The following ERICH1 variants were observed in gnomAD, a reference collection of about 807,000 sequenced individuals.
The protein encoded by ERICH1 is glutamate rich 1.
A neutral mutation model predicts 39.6 loss-of-function variants in ERICH1; 56 were observed. That is an observed-to-expected ratio of 1.41 (90% CI 1.14 to 1.77). The LOEUF is 1.77. ERICH1 is among the 40% of genes most tolerant of loss of function. The pLI is 0.00. For missense variants in ERICH1, 826 were observed against 575.4 expected (o/e 1.44, Z -4.45); for synonymous variants, 313 against 223.6 (o/e 1.40, Z -3.57).
chr8:706,423 C>G (rs1199330617), intron 2 of ERICH1, among the ~76,000 whole-genome samples: 1 of 152,146 alleles, frequency 6.6e-6, no homozygotes, highest in African/African-American at 2.4e-5. Flanking sequence ...TTGGAATACA[C>G]TTTTTAAAAA....
intron 2 of ERICH1, among the ~76,000 whole-genome samples, chr8:701,506 G>A (rs1481199089): frequency 1.3e-5 from 2 of 152,210 alleles, no homozygotes; most frequent in African/African-American, 4.8e-5. Context: ...AGCCACAGAC[G>A]CAGGCCCAGG....
chr8:707,516 T>C (rs954550564), intron 2 of ERICH1, among the ~76,000 whole-genome samples: 1 of 152,172 alleles, frequency 6.6e-6, no homozygotes, highest in Non-Finnish European at 1.5e-5. Context: ...TGCCAACTGA[T>C]TTTCAATGAG....
At chr8:680,590 C>T (rs936753598) in intron 3 of ERICH1, among the ~76,000 whole-genome samples, 39 of 141,560 alleles carry the variant, frequency 2.8e-4, no homozygotes, top group Admixed American at 5.7e-4. Context: ...CACGGAAAGT[C>T]CAAGAGAATC....
intron 3 of ERICH1, among the ~76,000 whole-genome samples, chr8:642,077 G>C (rs922217351): frequency 1.3e-5 from 2 of 152,216 alleles, no homozygotes; most frequent in African/African-American, 4.8e-5. Context: ...GGAGATCTTA[G>C]GGAAGGCCCA....
intron 2 of ERICH1, among the ~76,000 whole-genome samples, chr8:708,681 G>GTTTTTTGTTTTTTGTTTTTT: frequency 1.5e-5 from 1 of 65,816 alleles, no homozygotes. Context: ...GGGATAATGA[G>GTTTTTTGTTTTTTGTTTTTT]TTTTTTTTTT....
At chr8:640,055 T>C (rs1798816632) in intron 3 of ERICH1, among the ~76,000 whole-genome samples, 1 of 152,180 alleles carries the variant, frequency 6.6e-6, no homozygotes, top group South Asian at 2.1e-4. Flanking sequence ...TGGCTCATTT[T>C]GTACCACACA....
rs1279967601 is a variant in ERICH1 at position 646,943 on chromosome 8, C to T, written c.976+21655G>A. Reference sequence around the variant, plus strand: ...CCAGAAGTCATGTGGCAAAGCAATTCACGCCAGTTAATCTGTGCCGAGGGC... The same window carrying T: ...CCAGAAGTCATGTGGCAAAGCAATTTACGCCAGTTAATCTGTGCCGAGGGC... On this transcript the variant is annotated intron_variant, in intron 3 of 3. Transcript: ENST00000522706. 2.3e-4 allele frequency among the ~76,000 whole-genome samples: 16 copies of T among 69,182 alleles called. 7 individuals are homozygous for T. The highest frequency in any genetic ancestry group is 9.9e-4 in the Admixed American group (8 of 8,066). 45.4% of individuals were successfully genotyped at this position (69,182 alleles called of 152,430 possible).
chr8:687,069 C>CG (rs1248683556), intron 3 of ERICH1, among the ~76,000 whole-genome samples: 1 of 152,086 alleles, frequency 6.6e-6, no homozygotes, highest in South Asian at 2.1e-4. Flanking sequence ...AGAGCATGTA[C>CG]GGATGTTTAA....
chr8:677,176 G>A (rs1805039919), intron 3 of ERICH1, among the ~76,000 whole-genome samples: 1 of 152,210 alleles, frequency 6.6e-6, no homozygotes, highest in South Asian at 2.1e-4. Flanking sequence ...CCCACCCCAT[G>A]ACTCGATAAA....
intron 3 of ERICH1, among the ~76,000 whole-genome samples, chr8:638,072 A>T (rs17065199): frequency 0.25 from 37,988 of 152,192 alleles, 5,408 homozygotes; most frequent in East Asian, 0.41. Context: ...GTCCTGAGTC[A>T]TTTACATCGG....
chr8:650,560 C>T (rs1799815784), intron 3 of ERICH1, among the ~76,000 whole-genome samples: 1 of 152,198 alleles, frequency 6.6e-6, no homozygotes, highest in South Asian at 2.1e-4. Context: ...GAGGCCGGCC[C>T]CAGACACTGA....
At chr8:666,636 G>C (rs1475501492) in intron 5 of ERICH1, 1 of 152,448 alleles carries the variant, frequency 6.6e-6, no homozygotes, top group Non-Finnish European at 1.5e-5. Context: ...CACTGTCCCT[G>C]ATCTCTCTCC....
chr8:730,501 G>A (rs946715893), intron 1 of ERICH1, among the ~76,000 whole-genome samples: 1 of 152,218 alleles, frequency 6.6e-6, no homozygotes, highest in Non-Finnish European at 1.5e-5. Flanking sequence ...CACGGTGAGG[G>A]TAATGAGCTG....
chr8:731,054 G>T, intron 1 of ERICH1, 86 bp downstream of exon 1: 1 of 1,344,866 alleles, frequency 7.4e-7, no homozygotes. Flanking sequence ...GAAAGGGGCC[G>T]GGGTCGGGGT....
intron 2 of ERICH1, among the ~76,000 whole-genome samples, chr8:693,053 GGCTGTGTGCA>G (rs1809283423): frequency 2.0e-5 from 3 of 151,964 alleles, no homozygotes; most frequent in South Asian, 4.2e-4. Flanking sequence ...TGTACACTGT[GGCTGTGTGCA>G]CACACAGCCA....
At chr8:722,688 T>A (rs2132421687) in intron 1 of ERICH1, among the ~76,000 whole-genome samples, 1 of 152,366 alleles carries the variant, frequency 6.6e-6, no homozygotes, top group Admixed American at 6.5e-5. Context: ...TTCGTGATTC[T>A]CTAAAATTTC....
chr8:685,924 C>T (rs961591851), intron 3 of ERICH1, among the ~76,000 whole-genome samples: 3 of 150,588 alleles, frequency 2.0e-5, no homozygotes, highest in Non-Finnish European at 2.9e-5. Flanking sequence ...GCAAGCAGAT[C>T]ACTTGACCCC....
chr8:712,706 G>A (rs538562845), intron 2 of ERICH1, among the ~76,000 whole-genome samples: 1 of 152,246 alleles, frequency 6.6e-6, no homozygotes, highest in Admixed American at 6.5e-5. Context: ...CAAAGTGCTG[G>A]GTGTTTTTAA....
At chr8:722,514 C>G (rs1301342186) in intron 1 of ERICH1, among the ~76,000 whole-genome samples, 1 of 152,180 alleles carries the variant, frequency 6.6e-6, no homozygotes, top group Non-Finnish European at 1.5e-5. Context: ...AAATTACACA[C>G]TTAGGAAAAA....
Sources: allele counts gnomAD v4.1 joint callset (sites outside exome capture counted in the v4.1 genomes callset), GRCh38; gene constraint gnomAD v4.1.1; transcripts MANE v1.5; gene names NCBI Gene and HGNC (gene_info 2026-07-23, HGNC 2026-07-21).